PRKN: variants seen among roughly 807,000 people sequenced by gnomAD.
PRKN encodes the protein E3 ubiquitin-protein ligase parkin.
In PRKN, 56 loss-of-function variants were observed where a neutral mutation model predicts 59.5. That is an observed-to-expected ratio of 0.94 (90% CI 0.76 to 1.18). The LOEUF (loss-of-function observed/expected upper bound fraction) is 1.18, where lower values mean the gene tolerates loss of function less well. PRKN is among the 50% of genes most tolerant of loss of function. The pLI is 0.00. For synonymous variants in PRKN, 250 were observed against 222.1 expected (o/e 1.13, Z -1.12); for missense variants, 657 against 596.4 (o/e 1.10, Z -1.06).
chr6:162,274,215 G>T (rs757955493), intron 2 of PRKN, among the ~76,000 whole-genome samples: 11 of 150,290 alleles, frequency 7.3e-5, no homozygotes, highest in Admixed American at 2.6e-4. Flanking sequence ...TGTGAGACCA[G>T]GTCTCCCTCT....
rs1156357270 is a variant in PRKN, at chr6:161,582,636, C to A, written c.872-13220G>T. ...TAGAGATGGGGTTTCACCATGTTAG[C>A]CAGGATGGTCTCGATCTGCTGACCT... is the stretch of plus-strand genomic sequence containing the variant. On this transcript the variant is annotated intron_variant, in intron 7 of 11. Coordinates refer to ENST00000366898, the MANE Select transcript of PRKN (RefSeq NM_004562.3). This position sits in a 1 kb window ranked among gnomAD's most constrained non-coding sequence, Gnocchi z 4.4. 6.6e-6 allele frequency among the ~76,000 whole-genome samples: 1 copy of A among 151,958 alleles called. No homozygotes were observed. The highest frequency in any genetic ancestry group is 1.5e-5 in the Non-Finnish European group (1 of 67,994).
chr6:162,626,102 C>T (rs1223957352), intron 1 of PRKN, among the ~76,000 whole-genome samples: 1 of 152,088 alleles, frequency 6.6e-6, no homozygotes, highest in Non-Finnish European at 1.5e-5. Context: ...AGAACCATTC[C>T]CCTGCCTCAC....
intron 6 of PRKN, among the ~76,000 whole-genome samples, chr6:161,939,478 T>A (rs1779476980): frequency 7.1e-6 from 1 of 141,172 alleles, no homozygotes; most frequent in African/African-American, 2.6e-5. Context: ...ACACTTGTAA[T>A]CCCAGCACTT....
At chr6:161,879,389 G>C (rs1794848737) in intron 6 of PRKN, among the ~76,000 whole-genome samples, 1 of 146,366 alleles carries the variant, frequency 6.8e-6, no homozygotes, top group South Asian at 2.2e-4. Context: ...TGTTGCCCAG[G>C]CTGGGTGGAG....
At chr6:161,524,762 G>T (rs1778957610) in intron 9 of PRKN, among the ~76,000 whole-genome samples, 1 of 152,092 alleles carries the variant, frequency 6.6e-6, no homozygotes, top group Admixed American at 6.5e-5. Flanking sequence ...TTTCTGCAAA[G>T]GAGTCTTGAT....
At chr6:161,963,082 G>A (rs914907818) in intron 6 of PRKN, among the ~76,000 whole-genome samples, 10 of 152,164 alleles carry the variant, frequency 6.6e-5, no homozygotes, top group Admixed American at 5.9e-4. Flanking sequence ...GGCGGAAGTT[G>A]CAGTGAGCCA....
At chr6:162,190,015 C>A (rs1312747382) in intron 4 of PRKN, among the ~76,000 whole-genome samples, 1 of 152,046 alleles carries the variant, frequency 6.6e-6, no homozygotes, top group Non-Finnish European at 1.5e-5. Flanking sequence ...AAAATAGGGT[C>A]ATTCTGACAC....
chr6:162,106,265 G>C (rs1780189655), intron 4 of PRKN, among the ~76,000 whole-genome samples: 1 of 152,172 alleles, frequency 6.6e-6, no homozygotes, highest in African/African-American at 2.4e-5. Flanking sequence ...AAGGTGGGGG[G>C]TGAATGTGCA....
rs1786444258 is a variant in PRKN at position 161,390,215 on chromosome 6, C to G, written c.1084-3338G>C. Among the ~76,000 whole-genome samples, 8 of 152,354 alleles carry G rather than the reference C, an allele frequency of 5.3e-5. No homozygotes were observed. In the South Asian group the frequency reaches 1.7e-3, roughly 32 times the overall value. On this transcript the variant is annotated intron_variant, in intron 9 of 11. Transcript: ENST00000366898. The surrounding 1 kb of genome is among the most constrained non-coding windows in gnomAD (Gnocchi z 7.0). Reference sequence around the variant, plus strand: ...TACATTATCCAGGACTCAAGACTCTCAACCTTCAGTTCTCACACTACGCAC... The same window carrying G: ...TACATTATCCAGGACTCAAGACTCTGAACCTTCAGTTCTCACACTACGCAC...
At chr6:161,913,199 A>G (rs529865871) in intron 6 of PRKN, among the ~76,000 whole-genome samples, 1 of 150,098 alleles carries the variant, frequency 6.7e-6, no homozygotes, top group Non-Finnish European at 1.5e-5. Flanking sequence ...AAGACATGGG[A>G]TAATGTATAA....
chr6:162,588,212 T>C (rs868306958), intron 1 of PRKN, among the ~76,000 whole-genome samples: 1 of 152,082 alleles, frequency 6.6e-6, no homozygotes, highest in South Asian at 2.1e-4. Flanking sequence ...GGTTTCACCA[T>C]GTTGGCCAGG....
intron 3 of PRKN, among the ~76,000 whole-genome samples, chr6:162,213,458 T>G (rs1472288327): frequency 1.3e-5 from 2 of 152,174 alleles, no homozygotes; most frequent in Non-Finnish European, 1.5e-5. Context: ...CTGGGCACAG[T>G]GGCTCATGCC....
chr6:161,798,330 C>A (rs9295166), intron 6 of PRKN, among the ~76,000 whole-genome samples: 1 of 152,092 alleles, frequency 6.6e-6, no homozygotes, highest in African/African-American at 2.4e-5. Flanking sequence ...GGTGGTTGAG[C>A]GAGGTTTGTA....
intron 7 of PRKN, among the ~76,000 whole-genome samples, chr6:161,669,329 A>G (rs1582976845): frequency 6.6e-6 from 1 of 152,078 alleles, no homozygotes; most frequent in Non-Finnish European, 1.5e-5. Flanking sequence ...CTTCACAGTG[A>G]CCGCCTCCAG....
intron 1 of PRKN, among the ~76,000 whole-genome samples, chr6:162,445,050 T>G (rs1386252259): frequency 6.6e-6 from 1 of 152,184 alleles, no homozygotes; most frequent in Non-Finnish European, 1.5e-5. Context: ...ACTGCTGTGT[T>G]TCCTTTAAAT....
intron 9 of PRKN, among the ~76,000 whole-genome samples, chr6:161,493,226 A>G (rs1421001951): frequency 2.6e-5 from 4 of 152,234 alleles, no homozygotes; most frequent in Non-Finnish European, 5.9e-5. Context: ...TGTAATAATT[A>G]AAGTAGACAA....
rs1477858391 is a variant in PRKN, at chr6:161,530,514, TTTTTTTC to T, written c.1083+18333_1083+18339del. On this transcript the variant is annotated intron_variant, in intron 9 of 11. Coordinates refer to ENST00000366898, the MANE Select transcript of PRKN (RefSeq NM_004562.3). The surrounding 1 kb of genome is among the most constrained non-coding windows in gnomAD (Gnocchi z 5.0). Reference sequence around the variant, plus strand: ...CCTATACGGCTTGCTTCTTTTTTTCTTTTTTTCTTTTTTTTTTTTGAGATGGAGTTTC... The same window carrying T: ...CCTATACGGCTTGCTTCTTTTTTTCTTTTTTTTTTTTTGAGATGGAGTTTC... 1.2e-4 allele frequency among the ~76,000 whole-genome samples: 18 copies of T among 151,488 alleles called. No homozygotes were observed. The highest frequency in any genetic ancestry group is 1.2e-3 in the East Asian group (6 of 5,150).
chr6:161,559,609 C>A (rs1446878443), intron 8 of PRKN, among the ~76,000 whole-genome samples: 2 of 152,160 alleles, frequency 1.3e-5, no homozygotes, highest in East Asian at 3.9e-4. Context: ...TAGTCTTTTT[C>A]TTTCCCTGAA....
At chr6:162,182,789 G>A (rs1562564473) in intron 4 of PRKN, among the ~76,000 whole-genome samples, 1 of 152,108 alleles carries the variant, frequency 6.6e-6, no homozygotes, top group Non-Finnish European at 1.5e-5. Flanking sequence ...CAAGTCTATT[G>A]GCACCATTTT....
Sources: gnomAD v4.1 joint callset for allele counts (sites outside exome capture counted in the v4.1 genomes callset) on GRCh38, gnomAD v4.1.1 for gene constraint, Gnocchi (gnomAD v3.1) non-coding constraint, MANE v1.5 for transcripts, NCBI Gene and HGNC (gene_info 2026-07-23, HGNC 2026-07-21) for gene names.